IQCH: variants seen among roughly 807,000 people sequenced by gnomAD.
IQCH encodes the protein IQ domain-containing protein H.
In IQCH, 98 loss-of-function variants were observed where a neutral mutation model predicts 117.0. The ratio of observed to expected loss-of-function variants is 0.84; its 90% CI spans 0.71 to 0.99. IQCH has a LOEUF of 0.99. IQCH is among the 50% of genes least tolerant of loss of function. IQCH has a pLI of 0.00. For synonymous variants in IQCH, 412 were observed against 448.2 expected, an observed-to-expected ratio of 0.92 and a Z score of 1.02; for missense variants, 1,102 against 1,243.8, an observed-to-expected ratio of 0.89 and a Z score of 1.72.
rs577078751 is a variant in IQCH at position 67,476,022 on chromosome 15, G to A, written c.2799+204G>A. On this transcript the variant is annotated intron_variant, in intron 18 of 20. Transcript: ENST00000335894. This position sits in a 1 kb window ranked among gnomAD's most constrained non-coding sequence, Gnocchi z 4.1. ...ACATAGTCCTGGAAAGTTCTACTTC[G>A]TCTCCAATCTTACACACCCACTTTG... 5.9e-5 allele frequency among the ~76,000 whole-genome samples: 9 copies of A among 152,192 alleles called. No individual in the cohort carries two copies. Among genetic ancestry groups the A allele is most frequent in the Non-Finnish European group, 1.2e-4 (8 of 68,032 alleles).
intron 18 of IQCH, among the ~76,000 whole-genome samples, chr15:67,486,963 G>T (rs2083498886): frequency 6.6e-6 from 1 of 152,170 alleles, no homozygotes; most frequent in Admixed American, 6.6e-5. Context: ...CACAGTAAGG[G>T]ATGCAAGAGA....
chr15:67,256,309 A>G (rs1965196787), intron 1 of IQCH, among the ~76,000 whole-genome samples: 1 of 152,192 alleles, frequency 6.6e-6, no homozygotes, highest in South Asian at 2.1e-4. Flanking sequence ...TATGCATAGA[A>G]TATTGCAACT....
chr15:67,294,420 CA>C (rs1441839412), intron 4 of IQCH, among the ~76,000 whole-genome samples: 1 of 152,170 alleles, frequency 6.6e-6, no homozygotes, highest in African/African-American at 2.4e-5. Flanking sequence ...GAGCCTTCCT[CA>C]AAGCAAAATA....
At chr15:67,392,412 G>C (rs966879845) in intron 12 of IQCH, among the ~76,000 whole-genome samples, 1 of 152,166 alleles carries the variant, frequency 6.6e-6, no homozygotes, top group African/African-American at 2.4e-5. Context: ...AACCTGCCAG[G>C]TGTTATCACT....
Position 67,408,942 on chromosome 15 carries a change from T to A in IQCH, c.2098-7989T>A. ...TTTACTTGATATCACTCTTATATTT[T>A]AATATAATTTCCTTAAAACCATTTT... On this transcript the variant is annotated intron_variant, in intron 14 of 20. Transcript: ENST00000335894. The surrounding 1 kb of genome is among the most constrained non-coding windows in gnomAD (Gnocchi z 4.2). 6.6e-6 allele frequency among the ~76,000 whole-genome samples: 1 copy of A among 152,230 alleles called. No homozygotes were observed.
intron 3 of IQCH, among the ~76,000 whole-genome samples, chr15:67,266,507 A>T (rs552038484): frequency 1.3e-5 from 2 of 152,244 alleles, no homozygotes; most frequent in African/African-American, 2.4e-5. Flanking sequence ...TACAAAAAAA[A>T]TTAGCCAGGC....
chr15:67,383,536 T>C (rs1751190063), intron 10 of IQCH, among the ~76,000 whole-genome samples: 1 of 152,244 alleles, frequency 6.6e-6, no homozygotes, highest in South Asian at 2.1e-4. Context: ...CTTTTCTTAA[T>C]CACACTTTAT....
At chr15:67,367,757 C>T (rs1013137243) in intron 8 of IQCH, among the ~76,000 whole-genome samples, 4 of 151,752 alleles carry the variant, frequency 2.6e-5, no homozygotes, top group South Asian at 2.1e-4. Flanking sequence ...AGAAAACACC[C>T]GATGGGAAGG....
chr15:67,332,836 A>C lies in IQCH; in HGVS notation c.388-4139A>C, dbSNP rs112886855. On this transcript the variant is annotated intron_variant, in intron 4 of 20. Transcript: ENST00000335894. ...AACTTTAACTCTAGAGCAGGGGTAC[A>C]CAAACTACTGCTTGAGGGCAGGCCA... Among the ~76,000 whole-genome samples, 3 of 152,346 alleles carry C rather than the reference A, an allele frequency of 2.0e-5. 1 individual carries two copies. Among genetic ancestry groups the C allele is most frequent in the African/African-American group, 7.2e-5 (3 of 41,582 alleles).
rs968123431 is a variant in IQCH, at chr15:67,388,255, A to T, written c.1457-576A>T. On this transcript the variant is annotated intron_variant, in intron 11 of 20. Transcript: ENST00000335894. The surrounding 1 kb of genome is among the most constrained non-coding windows in gnomAD (Gnocchi z 5.5). ...AGATGGTGTTTCCTTTAAACCAAGA[A>T]TCACTAGACCTGCTATTTAAGTAAT... 2.6e-5 allele frequency among the ~76,000 whole-genome samples: 4 copies of T among 152,322 alleles called. 1 individual carries two copies. In the South Asian group the frequency reaches 8.3e-4, roughly 32 times the overall value.
chr15:67,388,814 G>T lies in IQCH; in HGVS notation c.1457-17G>T. 1 of 1,605,358 alleles carries T rather than the reference G, an allele frequency of 6.2e-7. No homozygotes were observed. Among genetic ancestry groups the T allele is most frequent in the Non-Finnish European group, 8.5e-7 (1 of 1,172,406 alleles). Reference sequence around the variant, plus strand: ...TACCTTCACACCAGTAATTAACATTGTGCCTGTTGTTTTTAGATGCCAATG... The same window carrying T: ...TACCTTCACACCAGTAATTAACATTTTGCCTGTTGTTTTTAGATGCCAATG... On this transcript the variant is annotated splice_polypyrimidine_tract_variant and intron_variant, in intron 11 of 20. Transcript: ENST00000335894. This position sits in a 1 kb window ranked among gnomAD's most constrained non-coding sequence, Gnocchi z 5.5.
At chr15:67,323,513 A>T (rs535177801) in intron 4 of IQCH, among the ~76,000 whole-genome samples, 1 of 152,244 alleles carries the variant, frequency 6.6e-6, no homozygotes, top group East Asian at 1.9e-4. Flanking sequence ...AAGTGCTGGG[A>T]TTACAGGTGT....
rs1336617317 is a variant in IQCH at position 67,376,143 on chromosome 15, G to A, written c.1372+2710G>A. 6.6e-6 allele frequency among the ~76,000 whole-genome samples: 1 copy of A among 152,084 alleles called. No individual in the cohort carries two copies. The highest frequency in any genetic ancestry group is 2.1e-4 in the South Asian group (1 of 4,822). The stretch of plus-strand genomic sequence containing the variant: ...ACATTAAATTAAGTAACAACAAGCT[G>A]TCATCTCCTACCTATTCCACAGATA... On this transcript the variant is annotated intron_variant, in intron 10 of 20. Transcript: ENST00000335894. This position sits in a 1 kb window ranked among gnomAD's most constrained non-coding sequence, Gnocchi z 5.0.
intron 16 of IQCH, among the ~76,000 whole-genome samples, chr15:67,444,519 A>G (rs981369732): frequency 6.6e-6 from 1 of 152,168 alleles, no homozygotes; most frequent in Non-Finnish European, 1.5e-5. Context: ...CCAGGCAAAA[A>G]CCTGCATCTC....
At chr15:67,462,890 ATT>A (rs2082833162) in intron 16 of IQCH, among the ~76,000 whole-genome samples, 1 of 152,246 alleles carries the variant, frequency 6.6e-6, no homozygotes, top group South Asian at 2.1e-4. Context: ...AGCAGGAAAT[ATT>A]TAAGTTGACA....
intron 18 of IQCH, among the ~76,000 whole-genome samples, chr15:67,482,193 A>G (rs2083356810): frequency 6.7e-6 from 1 of 149,528 alleles, no homozygotes. Context: ...TCATGAAGCA[A>G]TTGGGATCAG....
At chr15:67,304,033 C>G (rs1169826424) in intron 4 of IQCH, among the ~76,000 whole-genome samples, 1 of 152,036 alleles carries the variant, frequency 6.6e-6, no homozygotes, top group Non-Finnish European at 1.5e-5. Context: ...AAATTAAGAC[C>G]AGGTATTCTA....
rs563872295 is a variant in IQCH, at chr15:67,387,730, A to G, written c.1457-1101A>G. ...TACTTTCTATATCTTCACTCATTTA[A>G]TAGTGTCTAAAACTCTATGCCCCAG... On this transcript the variant is annotated intron_variant, in intron 11 of 20. Transcript: ENST00000335894. The surrounding 1 kb of genome is among the most constrained non-coding windows in gnomAD (Gnocchi z 4.8). 1.3e-5 allele frequency among the ~76,000 whole-genome samples: 2 copies of G among 152,278 alleles called. No individual in the cohort carries two copies. The highest frequency in any genetic ancestry group is 3.9e-4 in the East Asian group (2 of 5,182).
intron 6 of IQCH, among the ~76,000 whole-genome samples, chr15:67,347,246 A>G (rs1314086318): frequency 2.6e-5 from 4 of 151,968 alleles, no homozygotes; most frequent in African/African-American, 9.7e-5. Flanking sequence ...ACTGTGTTTC[A>G]TGGAACATTT....
Sources: gnomAD v4.1 joint callset for allele counts (sites outside exome capture counted in the v4.1 genomes callset) on GRCh38, gnomAD v4.1.1 for gene constraint, Gnocchi (gnomAD v3.1) non-coding constraint, MANE v1.5 for transcripts, NCBI Gene and HGNC (gene_info 2026-07-23, HGNC 2026-07-21) for gene names.